MGAT4A: variants seen among roughly 807,000 people sequenced by gnomAD.
MGAT4A encodes the protein alpha-1,3-mannosyl-glycoprotein 4-beta-N-acetylglucosaminyltransferase A.
Under a neutral mutation model 74.1 loss-of-function variants are expected in MGAT4A, and 33 were observed. That is an observed-to-expected ratio of 0.45 (90% CI 0.34 to 0.60). The LOEUF is 0.60. Ranked by LOEUF, MGAT4A falls within the 20% of genes least tolerant of loss-of-function variation. The probability of loss-of-function intolerance (pLI) is 0.02; values close to 1 mark genes in which losing one functional copy is unlikely to be tolerated. For missense variants in MGAT4A, 479 were observed against 628.3 expected (o/e 0.76, Z 2.54); for synonymous variants, 198 against 210.4 (o/e 0.94, Z 0.51).
At chr2:98,722,056 G>A (rs1267543369) in intron 2 of MGAT4A, among the ~76,000 whole-genome samples, 1 of 152,160 alleles carries the variant, frequency 6.6e-6, no homozygotes, top group African/African-American at 2.4e-5. Flanking sequence ...ATAAGAATGT[G>A]TACAGGTCTC....
intron 3 of MGAT4A, 55 bp downstream of exon 3, chr2:98,678,249 A>AAAAATATAT (rs67023324): frequency 8.3e-5 from 22 of 263,864 alleles, no homozygotes; most frequent in African/African-American, 3.2e-4. Flanking sequence ...AAAAAAAAAA[A>AAAAATATAT]ATATATATAT....
intron 5 of MGAT4A, among the ~76,000 whole-genome samples, chr2:98,662,315 AATAGTT>A (rs1214692144): frequency 6.6e-6 from 1 of 152,206 alleles, no homozygotes; most frequent in Non-Finnish European, 1.5e-5. Flanking sequence ...TATAATTTGA[AATAGTT>A]ATATTTATGT....
chr2:98,694,213 G>C (rs1047977504), intron 2 of MGAT4A: 1 of 152,932 alleles, frequency 6.5e-6, no homozygotes, highest in African/African-American at 2.4e-5. Flanking sequence ...AGCGCAATCT[G>C]CTCTCAGTGG....
At chr2:98,663,325 G>C in intron 4 of MGAT4A, 146 bp from the exon 5 acceptor site, 1 of 1,524,536 alleles carries the variant, frequency 6.6e-7, no homozygotes, top group South Asian at 1.2e-5. Flanking sequence ...GAAAAATAAA[G>C]AATACAAGGG....
At chr2:98,661,729 T>C (rs1218922703) in intron 5 of MGAT4A, among the ~76,000 whole-genome samples, 3 of 152,196 alleles carry the variant, frequency 2.0e-5, no homozygotes, top group African/African-American at 7.2e-5. Flanking sequence ...TAGAACCCAT[T>C]TAGTTAAAAA....
At chr2:98,642,478 T>C (rs1393120107) in intron 10 of MGAT4A, among the ~76,000 whole-genome samples, 1 of 152,240 alleles carries the variant, frequency 6.6e-6, no homozygotes, top group Non-Finnish European at 1.5e-5. Flanking sequence ...AAGGAATGGA[T>C]GAAATCGTCC....
rs1440646965 is a variant in MGAT4A, at chr2:98,660,773, A to G, written c.537+2273T>C. ...TCAACTCACGTGAAATATACAAATA[A>G]ACTCAAAATGGATTGAAAACAAAAG... On this transcript the variant is annotated intron_variant, in intron 5 of 15. Transcript: ENST00000393487. Among the ~76,000 whole-genome samples the G allele has an allele frequency of 2.0e-5, 3 of 152,348 alleles. No homozygotes were observed. The East Asian group carries it at 5.8e-4, about 29-fold the overall frequency.
chr2:98,673,953 C>T (rs1409945452), intron 4 of MGAT4A, among the ~76,000 whole-genome samples: 1 of 152,114 alleles, frequency 6.6e-6, no homozygotes, highest in Non-Finnish European at 1.5e-5. Context: ...CTGCAGAATG[C>T]CTGGCTTCAA....
chr2:98,690,520 A>ATGC (rs1702181406), intron 2 of MGAT4A, among the ~76,000 whole-genome samples: 2 of 152,156 alleles, frequency 1.3e-5, no homozygotes, highest in South Asian at 2.1e-4. Context: ...TCCCAAAATG[A>ATGC]TGTCAGAAAA....
chr2:98,671,242 T>A (rs1251621358), intron 4 of MGAT4A, among the ~76,000 whole-genome samples: 1 of 152,238 alleles, frequency 6.6e-6, no homozygotes, highest in African/African-American at 2.4e-5. Flanking sequence ...AGTTCCAAGT[T>A]GACCCTCTCT....
Position 98,655,605 on chromosome 2 carries a change from TACATA to T in MGAT4A, c.699-90_699-86del, listed in dbSNP as rs374431882. On this transcript the variant is annotated intron_variant, in intron 7 of 15. Coordinates refer to ENST00000393487, the MANE Select transcript of MGAT4A (RefSeq NM_012214.3). The stretch of plus-strand genomic sequence containing the variant: ...ATTAAATGTATAAATGTCAAATGTC[TACATA>T]ACATGTCATCTATGTATATGTGTAC... 2,727 of 838,986 alleles carry T rather than the reference TACATA, an allele frequency of 3.3e-3. 10 individuals are homozygous for T. Among genetic ancestry groups the T allele is most frequent in the Non-Finnish European group, 3.4e-3 (1,765 of 518,472 alleles). The allele number at this position is 838,986 out of a possible 1,614,324, so 52.0% of individuals were successfully genotyped here.
Position 98,620,090 on chromosome 2 carries a change from C to G in MGAT4A, c.*5476G>C, listed in dbSNP as rs536913705. On this transcript the variant is annotated 3_prime_UTR_variant, in exon 16 of 16. Transcript: ENST00000393487. ...AAAATGATCTAGTTAGTGCCCAAACCGGGTGAAGGAGTGTTTCAGGTAAGA... is the reference window on the plus strand; with the variant it reads ...AAAATGATCTAGTTAGTGCCCAAACGGGGTGAAGGAGTGTTTCAGGTAAGA... 44 of 152,176 alleles carry G rather than the reference C, an allele frequency of 2.9e-4. 1 individual carries two copies. Among genetic ancestry groups the G allele is most frequent in the African/African-American group, 9.9e-4 (41 of 41,508 alleles). 9.4% of individuals were successfully genotyped at this position (152,176 alleles called of 1,614,324 possible).
chr2:98,683,431 G>A (rs1412356552), intron 2 of MGAT4A, among the ~76,000 whole-genome samples: 1 of 152,168 alleles, frequency 6.6e-6, no homozygotes. Context: ...ACTCTGAAAT[G>A]GTTCTGAAAA....
rs1020293434 is a variant in MGAT4A at position 98,639,910 on chromosome 2, G to T, written c.1220C>A (p.Thr407Lys). 3 of 1,613,980 alleles carry T rather than the reference G, an allele frequency of 1.9e-6. No homozygotes were observed. In the Admixed American group the frequency reaches 5.0e-5, roughly 27 times the overall value. The change falls in exon 12 of 16, where the codon ACG becomes AAG. Residue 407 changes from threonine (T) to lysine (K), a missense_variant. Around this residue, in one of 3 missense-constraint regions of MGAT4A, gnomAD observed 236 missense variants for 308.2 expected, o/e 0.77. Coordinates refer to ENST00000393487, the MANE Select transcript of MGAT4A (RefSeq NM_012214.3). ...STSLKVYQGH[T>K]LEKTYMGEDF... ...CTCTCCCATGTAAGTTTTCTCCAGC[G>T]TATGCCCTTGGTAGACCTTCAAGGA...
chr2:98,663,459 C>T (rs907998264), intron 4 of MGAT4A: 32 of 1,458,586 alleles, frequency 2.2e-5, no homozygotes, highest in Non-Finnish European at 1.9e-5. Flanking sequence ...AAACAGCAAA[C>T]TGTATTTTAC....
At chr2:98,665,992 A>C (rs1701823935) in intron 4 of MGAT4A, among the ~76,000 whole-genome samples, 2 of 152,262 alleles carry the variant, frequency 1.3e-5, no homozygotes, top group Non-Finnish European at 2.9e-5. Context: ...TGCTGAGTGC[A>C]AGAGAAAGCC....
rs1401431276 is a variant in MGAT4A, at chr2:98,621,539, C to A, written c.*4027G>T. 1 of 1,551,132 alleles carries A rather than the reference C, an allele frequency of 6.4e-7. No homozygotes were observed. The highest frequency in any genetic ancestry group is 8.7e-7 in the Non-Finnish European group (1 of 1,146,734). ...GGAGTCACAAGATTTGATTAGCCAC[C>A]CCCAGACAGTCTTCCTTTTGCTACA... On this transcript the variant is annotated 3_prime_UTR_variant, in exon 16 of 16. Transcript: ENST00000393487.
chr2:98,639,846 G>A lies in MGAT4A; in HGVS notation c.1284C>T (p.Tyr428=), dbSNP rs763849411. 2.5e-6 allele frequency: 4 copies of A among 1,613,554 alleles called. No homozygotes were observed. In the Admixed American group the frequency reaches 5.0e-5, roughly 20 times the overall value. Reference sequence around the variant, plus strand: ...CTGGTTTATCAAATTTAAACAAGATGTAGTCTCCAGCTATCGGTGTGATAG... The same window carrying A: ...CTGGTTTATCAAATTTAAACAAGATATAGTCTCCAGCTATCGGTGTGATAG... ...FWAITPIAGD[Y]ILFKFDKPVN... The change falls in exon 12 of 16, where the codon TAC becomes TAT. Residue 428 remains tyrosine (Y), a synonymous_variant. Coordinates refer to ENST00000393487, the MANE Select transcript of MGAT4A (RefSeq NM_012214.3).
At chr2:98,691,006 T>G (rs192293935) in intron 2 of MGAT4A, among the ~76,000 whole-genome samples, 1 of 151,830 alleles carries the variant, frequency 6.6e-6, no homozygotes, top group African/African-American at 2.4e-5. Flanking sequence ...TAACAAAAGA[T>G]CTGAGATCTA....
Sources: gnomAD v4.1 joint callset for allele counts (sites outside exome capture counted in the v4.1 genomes callset) on GRCh38, gnomAD v4.1.1 for gene constraint, gnomAD v4.1.1 regional missense constraint, MANE v1.5 for transcripts, NCBI Gene and HGNC (gene_info 2026-07-23, HGNC 2026-07-21) for gene names.